Variants in FCRL5 observed in about 807,000 individuals in gnomAD.
FCRL5 encodes Fc receptor like 5.
Under a neutral mutation model 92.1 loss-of-function variants are expected in FCRL5, and 79 were observed. That is an observed-to-expected ratio of 0.86 (90% CI 0.72 to 1.03). The LOEUF (loss-of-function observed/expected upper bound fraction) is 1.03. Ranked by LOEUF, FCRL5 falls within the 50% of genes least tolerant of loss-of-function variation. FCRL5 has a pLI of 0.00. For missense variants in FCRL5, 1,160 were observed against 1,181.1 expected (o/e 0.98, Z 0.26); for synonymous variants, 466 against 469.3 (o/e 0.99, Z 0.09).
At chr1:157,539,979 G>A (rs1444574297) in intron 6 of FCRL5, among the ~76,000 whole-genome samples, 2 of 152,148 alleles carry the variant, frequency 1.3e-5, no homozygotes, top group Non-Finnish European at 2.9e-5. Flanking sequence ...CATCTTTGGA[G>A]AAGGCAGGGA....
Position 157,524,428 on chromosome 1 carries a change from T to C in FCRL5, c.2090A>G (p.Asp697Gly), listed in dbSNP as rs764835779. 2.5e-6 allele frequency: 4 copies of C among 1,614,152 alleles called. No homozygotes were observed. Among genetic ancestry groups the C allele is most frequent in the East Asian group, 4.5e-5 (2 of 44,876 alleles). ...SPILYWFYHE[D>G]VTLGKISAPS... ...GGCTGAGATCTTACCCAGGGTGACA[T>C]CTTCATGATAAAACCAGTACAGGAT... Residue 697 changes from aspartate to glycine, a missense_variant, in exon 10 of 17, where the codon GAT becomes GGT. Transcript: ENST00000361835.
At chr1:157,544,012 G>T (rs764599006) in intron 5 of FCRL5, among the ~76,000 whole-genome samples, 14 of 152,254 alleles carry the variant, frequency 9.2e-5, no homozygotes, top group South Asian at 2.1e-4. Context: ...AGAGAACCCT[G>T]CGAGAGAAAA....
chr1:157,530,840 A>T (rs1476780312), intron 8 of FCRL5, among the ~76,000 whole-genome samples: 1 of 152,222 alleles, frequency 6.6e-6, no homozygotes, highest in African/African-American at 2.4e-5. Flanking sequence ...TCTTAGGATA[A>T]ATTCTTAGAC....
In FCRL5 at chr1:157,544,547, C is replaced by G; in HGVS notation, c.560-1G>C. On this transcript the variant is annotated splice_acceptor_variant, in intron 4 of 16. Transcript: ENST00000361835. LOFTEE classifies it high-confidence loss of function. The stretch of plus-strand genomic sequence containing the variant: ...CTCAGCACTGGACGTGTAAATGGCT[C>G]TAGAGAGAAGAATCACAACAGTCCC... 1 of 1,612,816 alleles carries G rather than the reference C, an allele frequency of 6.2e-7. No homozygotes were observed. Among genetic ancestry groups the G allele is most frequent in the South Asian group, 1.1e-5 (1 of 91,042 alleles).
intron 12 of FCRL5, 86 bp downstream of exon 12, chr1:157,520,345 G>T: frequency 1.1e-6 from 1 of 923,718 alleles, no homozygotes; most frequent in Non-Finnish European, 1.7e-6. Context: ...GCGAGCCTGG[G>T]ATGGTCACAA....
Position 157,542,998 on chromosome 1 carries a change from C to T in FCRL5, c.984G>A (p.Leu328=). Residue 328 remains leucine, a synonymous_variant, in exon 6 of 17, where the codon CTG becomes CTA. Coordinates refer to ENST00000361835, the MANE Select transcript of FCRL5 (RefSeq NM_031281.3). ...TTTCACAGCGGACTGACTTGTGCCT[C>T]AGGGGGACACCCTCATGATAAAACC... ...LYRFYHEGVP[L]RHKSVRCERG... The T allele has an allele frequency of 6.2e-7, 1 of 1,614,216 alleles. No individual in the cohort carries two copies. Among genetic ancestry groups the T allele is most frequent in the Non-Finnish European group, 8.5e-7 (1 of 1,180,038 alleles).
intron 11 of FCRL5, 152 bp from the exon 12 acceptor site, chr1:157,520,699 T>G (rs1303281036): frequency 4.7e-6 from 3 of 643,674 alleles, no homozygotes; most frequent in South Asian, 2.0e-5. Context: ...AGATGGCTCC[T>G]GTCTTTGTGA....
chr1:157,517,778 A>G (rs999207812), intron 15 of FCRL5, among the ~76,000 whole-genome samples: 39 of 152,214 alleles, frequency 2.6e-4, no homozygotes, highest in African/African-American at 8.7e-4. Context: ...TAGTACAGGT[A>G]GGTAGGTGCT....
chr1:157,540,536 A>C (rs1316215848), intron 6 of FCRL5, among the ~76,000 whole-genome samples: 8 of 152,158 alleles, frequency 5.3e-5, no homozygotes, highest in East Asian at 1.9e-4. Context: ...AAAAAAAAAA[A>C]AAACCATCAG....
intron 9 of FCRL5, among the ~76,000 whole-genome samples, chr1:157,525,099 G>T (rs1343960748): frequency 6.6e-6 from 1 of 152,208 alleles, no homozygotes; most frequent in Non-Finnish European, 1.5e-5. Flanking sequence ...GGGAATCAGT[G>T]ATGAGAAAGA....
intron 8 of FCRL5, among the ~76,000 whole-genome samples, chr1:157,528,884 T>C (rs1204422929): frequency 6.6e-6 from 1 of 152,212 alleles, no homozygotes; most frequent in Non-Finnish European, 1.5e-5. Flanking sequence ...AAAACTCTTC[T>C]AGACATTGGT....
chr1:157,516,314 C>T (rs1387498143), intron 15 of FCRL5, among the ~76,000 whole-genome samples: 2 of 152,212 alleles, frequency 1.3e-5, no homozygotes, highest in Admixed American at 6.5e-5. Flanking sequence ...TCTCTTGCCT[C>T]AGTTGCCTCA....
chr1:157,534,881 G>A lies in FCRL5; in HGVS notation c.1414C>T (p.His472Tyr), dbSNP rs1168657569. The change falls in exon 8 of 17, where the codon CAT becomes TAT. Residue 472 changes from histidine to tyrosine, a missense_variant. His to Tyr is a moderately conservative substitution (Grantham distance 83, BLOSUM62 2). Coordinates refer to ENST00000361835, the MANE Select transcript of FCRL5 (RefSeq NM_031281.3). Reference protein sequence around the residue: ...VSLSVTVPVSHPVLTLSSAEA... With the variant: ...VSLSVTVPVSYPVLTLSSAEA... ...GCAGAGCTGAGGGTGAGGACAGGAT[G>A]AGACACAGGGACTGAGGAAGAGAAA... 1.3e-6 allele frequency: 2 copies of A among 1,532,420 alleles called. No individual in the cohort carries two copies. The highest frequency in any genetic ancestry group is 1.4e-5 in the African/African-American group (1 of 71,992). The allele number at this position is 1,532,420 out of a possible 1,614,324, so 94.9% of individuals were successfully genotyped here.
At chr1:157,532,486 AATC>A (rs1313303495) in intron 8 of FCRL5, 1 of 152,204 alleles carries the variant, frequency 6.6e-6, no homozygotes, top group Non-Finnish European at 1.5e-5. Flanking sequence ...AAATAATAAT[AATC>A]ATGAGAAAAT....
chr1:157,526,497 C>T (rs1466639007), intron 9 of FCRL5, among the ~76,000 whole-genome samples: 2 of 152,040 alleles, frequency 1.3e-5, no homozygotes, highest in Non-Finnish European at 2.9e-5. Flanking sequence ...TGTTACGTGC[C>T]AGTGCAAAGG....
At chr1:157,547,470 G>A (rs1651610648) in intron 2 of FCRL5, 2 of 607,502 alleles carry the variant, frequency 3.3e-6, no homozygotes, top group East Asian at 3.2e-5. Context: ...AGCCTTACAT[G>A]GAAGTGGGTC....
chr1:157,518,223 G>T (rs141006285), intron 15 of FCRL5, among the ~76,000 whole-genome samples: 1 of 152,140 alleles, frequency 6.6e-6, no homozygotes, highest in South Asian at 2.1e-4. Context: ...GGTTATACTG[G>T]GGCCCTCTGC....
intron 15 of FCRL5, 132 bp downstream of exon 15, chr1:157,518,297 T>A (rs1038660789): frequency 1.4e-6 from 1 of 723,632 alleles, no homozygotes; most frequent in Admixed American, 2.3e-5. Flanking sequence ...TAGGCACACA[T>A]AAAGAAGCCC....
At chr1:157,529,446 G>C (rs1489672401) in intron 8 of FCRL5, among the ~76,000 whole-genome samples, 2 of 152,136 alleles carry the variant, frequency 1.3e-5, no homozygotes, top group Non-Finnish European at 2.9e-5. Flanking sequence ...CCACTACTGG[G>C]TATCTACCCA....
Sources: gnomAD v4.1 joint callset for allele counts (sites outside exome capture counted in the v4.1 genomes callset) on GRCh38, gnomAD v4.1.1 for gene constraint, MANE v1.5 for transcripts, NCBI Gene and HGNC (gene_info 2026-07-23, HGNC 2026-07-21) for gene names.